Variants in SPIRE1 observed in about 807,000 individuals in gnomAD.
The protein encoded by SPIRE1 is protein spire homolog 1.
A neutral mutation model predicts 94.1 loss-of-function variants in SPIRE1; 40 were observed. The observed-to-expected ratio is 0.43, with a 90% confidence interval of 0.33 to 0.55. The LOEUF (loss-of-function observed/expected upper bound fraction) is 0.55. Ranked by LOEUF, SPIRE1 falls within the 20% of genes least tolerant of loss-of-function variation. The pLI is 0.06. For synonymous variants in SPIRE1, 376 were observed against 371.7 expected, an observed-to-expected ratio of 1.01 and a Z score of -0.13; for missense variants, 838 against 975.2, an observed-to-expected ratio of 0.86 and a Z score of 1.87.
intron 9 of SPIRE1, among the ~76,000 whole-genome samples, chr18:12,480,414 C>A (rs1369041244): frequency 6.6e-6 from 1 of 152,142 alleles, no homozygotes; most frequent in Non-Finnish European, 1.5e-5. Flanking sequence ...GAAGGCAATA[C>A]AACAAATGAC....
Position 12,449,913 on chromosome 18 carries a change from AC to A in SPIRE1, c.2013-18del. 6.2e-7 allele frequency: 1 copy of A among 1,610,292 alleles called. No homozygotes were observed. Among genetic ancestry groups the A allele is most frequent in the South Asian group, 1.1e-5 (1 of 90,666 alleles). ...GAGGAGAACCTGGGGTGAAAACAAA[AC>A]AGAAGCCCAGCATTGTTACTTATAG... is the stretch of plus-strand genomic sequence containing the variant. On this transcript the variant is annotated intron_variant, in intron 16 of 16. Transcript: ENST00000409402.
intron 4 of SPIRE1, among the ~76,000 whole-genome samples, chr18:12,521,853 C>G (rs1256313373): frequency 6.6e-6 from 1 of 151,978 alleles, no homozygotes; most frequent in Non-Finnish European, 1.5e-5. Flanking sequence ...GTGCTCATGA[C>G]AGTGTCCATA....
At chr18:12,558,789 T>C (rs1009626369) in intron 2 of SPIRE1, among the ~76,000 whole-genome samples, 1 of 152,104 alleles carries the variant, frequency 6.6e-6, no homozygotes, top group Admixed American at 6.5e-5. Context: ...GATTGGTGCA[T>C]TTACAATCTT....
At chr18:12,476,652 T>C (rs1430313989) in intron 10 of SPIRE1, among the ~76,000 whole-genome samples, 6 of 145,410 alleles carry the variant, frequency 4.1e-5, no homozygotes, top group Non-Finnish European at 9.0e-5. Flanking sequence ...TAAAAGAATT[T>C]CAAATATATA....
intron 9 of SPIRE1, among the ~76,000 whole-genome samples, chr18:12,482,020 T>C (rs2032861181): frequency 6.6e-6 from 1 of 152,154 alleles, no homozygotes; most frequent in African/African-American, 2.4e-5. Flanking sequence ...GGAGTTATCA[T>C]AATAAGAGAA....
In SPIRE1 at chr18:12,657,684, C is replaced by T; in HGVS notation, c.183G>A (p.Val61=). 7.3e-7 allele frequency: 1 copy of T among 1,375,958 alleles called. No individual in the cohort carries two copies. Among genetic ancestry groups the T allele is most frequent in the African/African-American group, 1.5e-5 (1 of 66,722 alleles). The allele number at this position is 1,375,958 out of a possible 1,614,324, so 85.2% of individuals were successfully genotyped here. Reference sequence around the variant, plus strand: ...GCAGGGAACCGCAGCACTGGTAGCACACGGCCCACGCCTGCTCCTCGTTGA... The same window carrying T: ...GCAGGGAACCGCAGCACTGGTAGCATACGGCCCACGCCTGCTCCTCGTTGA... ...QPINEEQAWA[V]CYQCCGSLRA... Residue 61 remains valine, a synonymous_variant, in exon 1 of 17, where the codon GTG becomes GTA. Coordinates refer to ENST00000409402, the MANE Select transcript of SPIRE1 (RefSeq NM_001128626.2).
At chr18:12,633,946 T>C (rs1397857450) in intron 2 of SPIRE1, among the ~76,000 whole-genome samples, 1 of 152,120 alleles carries the variant, frequency 6.6e-6, no homozygotes, top group Non-Finnish European at 1.5e-5. Flanking sequence ...TGAAATTAAA[T>C]TATTAAAAAA....
chr18:12,547,248 G>A (rs2144284994), intron 2 of SPIRE1, among the ~76,000 whole-genome samples: 1 of 152,206 alleles, frequency 6.6e-6, no homozygotes, highest in South Asian at 2.1e-4. Context: ...ACTCACTTAC[G>A]GGTAGCAATT....
chr18:12,635,624 C>T (rs2037901323), intron 1 of SPIRE1, among the ~76,000 whole-genome samples: 1 of 151,950 alleles, frequency 6.6e-6, no homozygotes. Context: ...AGTAATTTTT[C>T]CAACAGAGGC....
In SPIRE1 at chr18:12,626,045, C is replaced by CCG. The variant is rs1471658733; in HGVS notation, c.372+9016_372+9017insCG. On this transcript the variant is annotated intron_variant, in intron 2 of 16. Transcript: ENST00000409402. ...ACTCCATTCCCCACACCGCCCCGCC[C>CCG]CCCCCCAAAAAAAGGAAATACAAAT... 7.8e-3 allele frequency among the ~76,000 whole-genome samples: 1,112 copies of CCG among 143,126 alleles called. 23 individuals carry two copies. Among genetic ancestry groups the CCG allele is most frequent in the African/African-American group, 0.026 (1,065 of 40,522 alleles). The allele number at this position is 143,126 out of a possible 152,430, so 93.9% of individuals were successfully genotyped here.
chr18:12,528,378 GAAGA>G (rs1445857495), intron 4 of SPIRE1, among the ~76,000 whole-genome samples: 2 of 152,196 alleles, frequency 1.3e-5, no homozygotes, highest in Admixed American at 1.3e-4. Context: ...TGAACATAGA[GAAGA>G]AAGAATGACT....
intron 2 of SPIRE1, among the ~76,000 whole-genome samples, chr18:12,623,329 AT>A (rs1323529814): frequency 6.6e-6 from 1 of 151,650 alleles, no homozygotes; most frequent in Non-Finnish European, 1.5e-5. Flanking sequence ...GATTTTTTGT[AT>A]TTTTAGTAGA....
intron 12 of SPIRE1, among the ~76,000 whole-genome samples, chr18:12,461,662 G>C (rs1430263305): frequency 6.7e-6 from 1 of 149,066 alleles, no homozygotes; most frequent in Non-Finnish European, 1.5e-5. Flanking sequence ...GGGTCTTGCT[G>C]TGTCATCTAC....
intron 4 of SPIRE1, among the ~76,000 whole-genome samples, chr18:12,520,180 A>G (rs1056883443): frequency 6.6e-6 from 1 of 152,322 alleles, no homozygotes; most frequent in East Asian, 1.9e-4. Context: ...AAGTGAAAAA[A>G]GGAAGAAAAT....
chr18:12,507,525 CCT>C (rs2033875889), intron 5 of SPIRE1, among the ~76,000 whole-genome samples: 1 of 151,880 alleles, frequency 6.6e-6, no homozygotes, highest in South Asian at 2.1e-4. Flanking sequence ...ATGGTGAAAC[CCT>C]GTCTCTACTA....
intron 1 of SPIRE1, among the ~76,000 whole-genome samples, chr18:12,651,542 C>T (rs1023084698): frequency 3.9e-5 from 6 of 151,966 alleles, no homozygotes; most frequent in African/African-American, 1.2e-4. Context: ...AGCATGGTGG[C>T]GGGCGCCTGT....
chr18:12,561,942 C>T (rs2035698836), intron 2 of SPIRE1, among the ~76,000 whole-genome samples: 1 of 152,158 alleles, frequency 6.6e-6, no homozygotes, highest in South Asian at 2.1e-4. Flanking sequence ...TTTTGAATTA[C>T]ACAGTAACAA....
chr18:12,573,751 T>TC lies in SPIRE1; in HGVS notation c.373-26848_373-26847insG, dbSNP rs1169115065. 3.3e-5 allele frequency among the ~76,000 whole-genome samples: 5 copies of TC among 152,060 alleles called. No individual in the cohort carries two copies. The East Asian group carries it at 9.6e-4, about 29-fold the overall frequency. On this transcript the variant is annotated intron_variant, in intron 2 of 16. Transcript: ENST00000409402. ...TTGACTTTTAATTTTTCTTTTTTTTTTCCTTTGAGACGGAGTTTTGCTCTG... is the reference window on the plus strand; with the variant it reads ...TTGACTTTTAATTTTTCTTTTTTTTTCTCCTTTGAGACGGAGTTTTGCTCTG...
chr18:12,588,490 GT>G (rs2036445610), intron 2 of SPIRE1: 4 of 150,374 alleles, frequency 2.7e-5, no homozygotes, highest in Non-Finnish European at 5.9e-5. Context: ...ACCAAATATT[GT>G]TTCTTTCAAA....
Sources: gnomAD v4.1 joint callset for allele counts (sites outside exome capture counted in the v4.1 genomes callset) on GRCh38, gnomAD v4.1.1 for gene constraint, MANE v1.5 for transcripts, NCBI Gene and HGNC (gene_info 2026-07-23, HGNC 2026-07-21) for gene names.